Variants in PIK3C3 observed in about 807,000 individuals in gnomAD.
The protein encoded by PIK3C3 is phosphatidylinositol 3-kinase catalytic subunit type 3.
In PIK3C3, 95 loss-of-function variants were observed where a neutral mutation model predicts 126.1. The ratio of observed to expected loss-of-function variants is 0.75; its 90% CI spans 0.64 to 0.89. PIK3C3 has a LOEUF of 0.89. Ranked by LOEUF, PIK3C3 falls within the 40% of genes least tolerant of loss-of-function variation. PIK3C3 has a pLI of 0.00. For missense variants in PIK3C3, 829 were observed against 1,063.2 expected, an observed-to-expected ratio of 0.78 and a Z score of 3.06; for synonymous variants, 374 against 360.0, an observed-to-expected ratio of 1.04 and a Z score of -0.44.
intron 6 of PIK3C3, among the ~76,000 whole-genome samples, chr18:41,992,160 A>T (rs1215972516): frequency 6.6e-6 from 1 of 152,174 alleles, no homozygotes; most frequent in Non-Finnish European, 1.5e-5. Flanking sequence ...TCATAAATTA[A>T]TGCCTGTCTA....
At chr18:42,057,458 A>T (rs966082699) in intron 21 of PIK3C3, among the ~76,000 whole-genome samples, 1 of 152,148 alleles carries the variant, frequency 6.6e-6, no homozygotes, top group African/African-American at 2.4e-5. Flanking sequence ...AAGTTAGCAG[A>T]AGGATTCATC....
rs776496748 is a variant in PIK3C3 at position 41,990,525 on chromosome 18, A to G, written c.685A>G (p.Lys229Glu). The change falls in exon 6 of 25, where the codon AAG becomes GAG. Residue 229 changes from lysine to glutamate, a missense_variant. This residue lies in a region of PIK3C3 where 313 missense variants were observed against 340.7 expected (regional missense o/e 0.92). Transcript: ENST00000262039. Reference sequence around the variant, plus strand: ...ATTTCGATGTGTCAAGTGTGATGATAAGGAATATGGTATTGTTTATTATGA... The same window carrying G: ...ATTTCGATGTGTCAAGTGTGATGATGAGGAATATGGTATTGTTTATTATGA... ...VEFRCVKCDD[K>E]EYGIVYYEKD... 9 of 1,597,642 alleles carry G rather than the reference A, an allele frequency of 5.6e-6. No individual in the cohort carries two copies. In the Admixed American group the frequency reaches 1.5e-4, roughly 27 times the overall value.
chr18:42,069,917 A>G (rs1359747650), intron 24 of PIK3C3, among the ~76,000 whole-genome samples: 1 of 152,222 alleles, frequency 6.6e-6, no homozygotes, highest in Non-Finnish European at 1.5e-5. Context: ...TTTCTTACTT[A>G]GGATGCTTCA....
chr18:41,992,690 T>A (rs556636522), intron 6 of PIK3C3, among the ~76,000 whole-genome samples: 1 of 152,280 alleles, frequency 6.6e-6, no homozygotes, highest in East Asian at 1.9e-4. Context: ...AACTGATTGA[T>A]TGATTTTATT....
chr18:42,024,428 G>T (rs567232916), intron 13 of PIK3C3, among the ~76,000 whole-genome samples: 5 of 151,776 alleles, frequency 3.3e-5, no homozygotes, highest in Non-Finnish European at 7.4e-5. Context: ...ATAGATGTTT[G>T]GCTTGAATGA....
chr18:42,073,547 G>T (rs1985863083), intron 24 of PIK3C3, among the ~76,000 whole-genome samples: 1 of 152,106 alleles, frequency 6.6e-6, no homozygotes, highest in Non-Finnish European at 1.5e-5. Context: ...TCCCAAAATT[G>T]AAAATTCTGA....
intron 3 of PIK3C3, among the ~76,000 whole-genome samples, chr18:41,969,940 T>C (rs1410052422): frequency 1.3e-5 from 2 of 152,238 alleles, no homozygotes; most frequent in South Asian, 2.1e-4. Context: ...AAAACAGTTA[T>C]GTAATTATTT....
At chr18:41,978,884 G>A (rs1176367036) in intron 4 of PIK3C3, among the ~76,000 whole-genome samples, 8 of 151,712 alleles carry the variant, frequency 5.3e-5, no homozygotes, top group Non-Finnish European at 1.0e-4. Context: ...GAAAAAATTG[G>A]GATTCTTTTG....
chr18:41,976,606 C>T (rs1980935463), intron 4 of PIK3C3, among the ~76,000 whole-genome samples: 1 of 152,176 alleles, frequency 6.6e-6, no homozygotes, highest in Admixed American at 6.6e-5. Context: ...TTTACTAAGT[C>T]ATGAAATCCT....
chr18:41,988,622 A>C (rs1276064580), intron 5 of PIK3C3, among the ~76,000 whole-genome samples: 1 of 152,192 alleles, frequency 6.6e-6, no homozygotes, highest in African/African-American at 2.4e-5. Context: ...TATATTCTCC[A>C]AATAATTTTC....
chr18:42,079,579 T>TAA (rs11380691), intron 24 of PIK3C3, among the ~76,000 whole-genome samples: 1,951 of 150,968 alleles, frequency 0.013, 21 homozygotes, highest in Non-Finnish European at 0.018. Flanking sequence ...TTCAATTTGT[T>TAA]AAAAAAAAAC....
Position 42,070,010 on chromosome 18 carries a change from G to A in PIK3C3, c.2649+2497G>A, listed in dbSNP as rs377490170. 2.0e-4 allele frequency among the ~76,000 whole-genome samples: 30 copies of A among 152,156 alleles called. 1 individual carries two copies. In the South Asian group the frequency reaches 4.0e-3, roughly 20 times the overall value. ...TGGCTTCACTCCTTCAGCTGTATTC[G>A]ACTGGTAGTTGGGTTTGTCTTGGAG... On this transcript the variant is annotated intron_variant, in intron 24 of 24. Coordinates refer to ENST00000262039, the MANE Select transcript of PIK3C3 (RefSeq NM_002647.4).
In PIK3C3 at chr18:42,055,330, G is replaced by A. The variant is rs542195566; in HGVS notation, c.2264-2553G>A. ...TATTATTGAAAAATATTGCATCATT[G>A]TGCTTTTAACTGAGTGAAAATACTG... On this transcript the variant is annotated intron_variant, in intron 21 of 24. Transcript: ENST00000262039. Among the ~76,000 whole-genome samples, 20 of 152,188 alleles carry A rather than the reference G, an allele frequency of 1.3e-4. No homozygotes were observed. The East Asian group carries it at 3.1e-3, about 23-fold the overall frequency.
rs564575178 is a variant in PIK3C3 at position 41,990,778 on chromosome 18, G to A, written c.714+224G>A. ...AGTTCTGGGTTACAGAATTCAATAA[G>A]TATGCAAGTGATTAAAAACTTTGTG... On this transcript the variant is annotated intron_variant, in intron 6 of 24. Transcript: ENST00000262039. Among the ~76,000 whole-genome samples the A allele has an allele frequency of 6.6e-5, 10 of 152,256 alleles. No homozygotes were observed. In the East Asian group the frequency reaches 1.9e-3, roughly 29 times the overall value.
At chr18:42,024,394 T>C (rs1489359357) in intron 13 of PIK3C3, among the ~76,000 whole-genome samples, 1 of 152,176 alleles carries the variant, frequency 6.6e-6, no homozygotes, top group Non-Finnish European at 1.5e-5. Flanking sequence ...CACTTTTCTT[T>C]TTTTAGGTGG....
At chr18:42,030,826 A>G (rs987188934) in intron 15 of PIK3C3, among the ~76,000 whole-genome samples, 2 of 152,128 alleles carry the variant, frequency 1.3e-5, no homozygotes, top group Admixed American at 6.5e-5. Flanking sequence ...TGGGGCTTAT[A>G]TTTGAAAGCA....
rs750472500 is a variant in PIK3C3, at chr18:42,004,380, G to A, written c.1009G>A (p.Val337Ile). Reference protein sequence around the residue: ...EKALTKFLKCVNWDLPQEAKQ... With the variant: ...EKALTKFLKCINWDLPQEAKQ... Reference sequence around the variant, plus strand: ...GGCCTTGACAAAATTCTTGAAATGTGTTAATTGGGATCTACCTCAAGAGGC... The same window carrying A: ...GGCCTTGACAAAATTCTTGAAATGTATTAATTGGGATCTACCTCAAGAGGC... Residue 337 changes from valine (V) to isoleucine (I), a missense_variant, in exon 10 of 25, where the codon GTT becomes ATT. Val to Ile is a conservative substitution (Grantham distance 29, BLOSUM62 3). Transcript: ENST00000262039. The A allele has an allele frequency of 6.2e-7, 1 of 1,610,722 alleles. No homozygotes were observed. The highest frequency in any genetic ancestry group is 8.5e-7 in the Non-Finnish European group (1 of 1,179,112).
At chr18:42,068,432 C>T (rs2144522018) in intron 24 of PIK3C3, among the ~76,000 whole-genome samples, 1 of 152,224 alleles carries the variant, frequency 6.6e-6, no homozygotes, top group South Asian at 2.1e-4. Flanking sequence ...TTCTTCAGCC[C>T]AGAAATCAAT....
rs865812043 is a variant in PIK3C3, at chr18:42,015,520, C to A, written c.1370C>A (p.Pro457His). 14 of 1,613,620 alleles carry A rather than the reference C, an allele frequency of 8.7e-6. No individual in the cohort carries two copies. The highest frequency in any genetic ancestry group is 1.2e-5 in the Non-Finnish European group (14 of 1,179,854). Residue 457 changes from proline (P) to histidine (H), a missense_variant, in exon 12 of 25, where the codon CCT (proline) becomes CAT (histidine). Transcript: ENST00000262039. The stretch of plus-strand genomic sequence containing the variant: ...CCCCTTCCTTCAGTCTCTTCACCTC[C>A]TCCTGCATCAAAAACAAAAGAAGTT... Reference protein sequence around the residue: ...TSPLPSVSSPPPASKTKEVPD... With the variant: ...TSPLPSVSSPHPASKTKEVPD...
Sources: allele counts gnomAD v4.1 joint callset (sites outside exome capture counted in the v4.1 genomes callset), GRCh38; gene constraint gnomAD v4.1.1; regional missense constraint gnomAD v4.1.1; transcripts MANE v1.5; gene names NCBI Gene and HGNC (gene_info 2026-07-23, HGNC 2026-07-21).